The following TRPV4 variants were observed in gnomAD, a reference collection of about 807,000 sequenced individuals.
The protein encoded by TRPV4 is OSM9-like transient receptor potential channel 4.
TRPV4 carries 58 observed loss-of-function variants against 84.1 expected under a neutral mutation model. The ratio of observed to expected loss-of-function variants is 0.69; its 90% confidence interval spans 0.56 to 0.86. The LOEUF is 0.86. Ranked by LOEUF, TRPV4 falls within the 40% of genes least tolerant of loss-of-function variation. The pLI is 0.00. For missense variants in TRPV4, 879 were observed against 1,181.1 expected (o/e 0.74, Z 3.75); for synonymous variants, 489 against 500.9 (o/e 0.98, Z 0.32).
At chr12:109,800,347 T>G (rs1194663349) in intron 5 of TRPV4, among the ~76,000 whole-genome samples, 1 of 152,190 alleles carries the variant, frequency 6.6e-6, no homozygotes, top group Non-Finnish European at 1.5e-5. Flanking sequence ...CCCAAAGTGC[T>G]GGGATGACAG....
At position 109,798,488 on chromosome 12, in the gene TRPV4, C is replaced by T; in HGVS notation, c.1152+126G>A. 1 of 1,231,094 alleles carries T rather than the reference C, an allele frequency of 8.1e-7. No homozygotes were observed. Among genetic ancestry groups the T allele is most frequent in the Non-Finnish European group, 1.1e-6 (1 of 875,152 alleles). 76.3% of individuals were successfully genotyped at this position (1,231,094 alleles called of 1,614,324 possible). On this transcript the variant is annotated intron_variant, in intron 6 of 15. Transcript: ENST00000261740. This position sits in a 1 kb window ranked among gnomAD's most constrained non-coding sequence, Gnocchi z 5.0. The stretch of plus-strand genomic sequence containing the variant: ...AGGTTCTTGAGCTGGGACATCTGCA[C>T]ACTGGGGTTGGCATGTTGGGAGGTG...
chr12:109,796,521 C>G lies in TRPV4; in HGVS notation c.1332+4G>C, dbSNP rs1890409370. 6.2e-7 allele frequency: 1 copy of G among 1,613,954 alleles called. No homozygotes were observed. Among genetic ancestry groups the G allele is most frequent in the African/African-American group, 1.3e-5 (1 of 74,896 alleles). On this transcript the variant is annotated splice_donor_region_variant and intron_variant, in intron 7 of 15. Transcript: ENST00000261740. This position sits in a 1 kb window ranked among gnomAD's most constrained non-coding sequence, Gnocchi z 4.2. ...CACACCCCATGCCCCCTCCTGGAGCCCACCTCAATCTTGCTGTTGTACACC... is the reference window on the plus strand; with the variant it reads ...CACACCCCATGCCCCCTCCTGGAGCGCACCTCAATCTTGCTGTTGTACACC...
At position 109,800,641 on chromosome 12, in the gene TRPV4, T is replaced by C. The variant is rs879254007; in HGVS notation, c.830A>G (p.Asp277Gly). The C allele has an allele frequency of 6.2e-7, 1 of 1,614,110 alleles. No homozygotes were observed. Among genetic ancestry groups the C allele is most frequent in the Non-Finnish European group, 8.5e-7 (1 of 1,180,028 alleles). Reference protein sequence around the residue: ...QARGRFFQPKDEGGYFYFGEL... With the variant: ...QARGRFFQPKGEGGYFYFGEL... ...ACCAAAGTAGAAGTAGCCCCCCTCA[T>C]CCTTGGGCTGGAAGAAGCGCCCACG... Residue 277 changes from aspartate to glycine, a missense_variant, in exon 5 of 16, where the codon GAT (aspartate) becomes GGT (glycine). This residue lies in a region of TRPV4 where 521 missense variants were observed against 686.6 expected (regional missense o/e 0.76). Coordinates refer to ENST00000261740, the MANE Select transcript of TRPV4 (RefSeq NM_021625.5).
At chr12:109,797,757 C>T (rs765071056) in intron 6 of TRPV4, among the ~76,000 whole-genome samples, 2 of 151,974 alleles carry the variant, frequency 1.3e-5, no homozygotes, top group South Asian at 2.1e-4. Context: ...TGGACTTAAA[C>T]GATCCTCTCA....
At chr12:109,806,490 C>T (rs12307018) in intron 3 of TRPV4, among the ~76,000 whole-genome samples, 14,237 of 151,168 alleles carry the variant, frequency 0.094, 866 homozygotes, top group African/African-American at 0.17. Context: ...TAGGCATGAG[C>T]CACCGCACCC....
chr12:109,824,899 C>T (rs1430831708), intron 1 of TRPV4, among the ~76,000 whole-genome samples: 1 of 152,198 alleles, frequency 6.6e-6, no homozygotes, highest in East Asian at 1.9e-4. Context: ...CTGCCACTCA[C>T]TGGCTGTATG....
At chr12:109,794,531 TG>T in intron 7 of TRPV4, 44 bp from the exon 8 acceptor site, 6 of 1,609,954 alleles carry the variant, frequency 3.7e-6, no homozygotes, top group East Asian at 2.2e-5. Context: ...CTGAGATGGG[TG>T]GGGGGTCCAG....
At chr12:109,818,886 C>A (rs1404959151) in intron 1 of TRPV4, among the ~76,000 whole-genome samples, 1 of 152,186 alleles carries the variant, frequency 6.6e-6, no homozygotes, top group African/African-American at 2.4e-5. Context: ...CTCATTCAAT[C>A]CCCCGAAGAA....
At chr12:109,800,869 G>A (rs1426847944) in intron 4 of TRPV4, 111 bp from the exon 5 acceptor site, 3 of 989,386 alleles carry the variant, frequency 3.0e-6, no homozygotes, top group African/African-American at 1.6e-5. Context: ...GGGGGATGCA[G>A]GCAGAGTCCT....
At chr12:109,824,829 G>T (rs1167373702) in intron 1 of TRPV4, among the ~76,000 whole-genome samples, 1 of 152,142 alleles carries the variant, frequency 6.6e-6, no homozygotes, top group African/African-American at 2.4e-5. Context: ...CAGCCACGGA[G>T]AACTCCAGAG....
intron 1 of TRPV4, among the ~76,000 whole-genome samples, chr12:109,822,302 C>G (rs377233053): frequency 1.3e-5 from 2 of 152,116 alleles, no homozygotes; most frequent in East Asian, 3.9e-4. Context: ...TTCTACCTCC[C>G]TCCACCCTGG....
chr12:109,819,197 G>A (rs1209533920), intron 1 of TRPV4, among the ~76,000 whole-genome samples: 2 of 152,188 alleles, frequency 1.3e-5, no homozygotes, highest in Non-Finnish European at 2.9e-5. Context: ...TTGCCCTAAA[G>A]GCTGTTATTA....
chr12:109,784,792 G>C (rs1889575866), intron 14 of TRPV4, among the ~76,000 whole-genome samples: 1 of 134,180 alleles, frequency 7.5e-6, no homozygotes, highest in Non-Finnish European at 1.5e-5. Flanking sequence ...AGTGAGCCGA[G>C]ATCACGCCAC....
At chr12:109,802,365 G>A (rs369140683) in intron 4 of TRPV4, among the ~76,000 whole-genome samples, 9 of 150,014 alleles carry the variant, frequency 6.0e-5, no homozygotes, top group East Asian at 2.0e-4. Flanking sequence ...GCAATGGCGC[G>A]ATATTGGCTC....
intron 3 of TRPV4, among the ~76,000 whole-genome samples, chr12:109,804,093 A>G (rs1055975417): frequency 1.3e-5 from 2 of 152,168 alleles, no homozygotes; most frequent in Admixed American, 1.3e-4. Context: ...GGGTGCAACA[A>G]TAATAACCCT....
intron 7 of TRPV4, 40 bp from the exon 8 acceptor site, chr12:109,794,527 TG>T (rs747670782): frequency 5.0e-6 from 8 of 1,611,110 alleles, no homozygotes; most frequent in Non-Finnish European, 6.8e-6. Context: ...CTTCCTGAGA[TG>T]GGTGGGGGGT....
Position 109,827,552 on chromosome 12 carries a change from A to AACAC in TRPV4, c.-32+5794_-32+5797dup, listed in dbSNP as rs79477384. Among the ~76,000 whole-genome samples the AACAC allele has an allele frequency of 2.9e-3, 431 of 150,518 alleles. 5 individuals are homozygous for AACAC. Among genetic ancestry groups the AACAC allele is most frequent in the African/African-American group, 9.2e-3 (377 of 41,088 alleles). On this transcript the variant is annotated intron_variant, in intron 1 of 15. Coordinates refer to ENST00000261740, the MANE Select transcript of TRPV4 (RefSeq NM_021625.5). Reference sequence around the variant, plus strand: ...AAGCCCATGGAACCCACCCTCCATAAACACACACACACACACACACTACAC... The same window carrying AACAC: ...AAGCCCATGGAACCCACCCTCCATAAACACACACACACACACACACACACTACAC...
At chr12:109,794,878 C>T (rs1163881659) in intron 7 of TRPV4, among the ~76,000 whole-genome samples, 3 of 152,094 alleles carry the variant, frequency 2.0e-5, no homozygotes, top group East Asian at 3.9e-4. Flanking sequence ...ATTAGCCGGG[C>T]GTGGTGGTGC....
At position 109,798,667 on chromosome 12, in the gene TRPV4, T is replaced by C. The variant is rs1890574963; in HGVS notation, c.1099A>G (p.Asn367Asp). 6.2e-7 allele frequency: 1 copy of C among 1,613,562 alleles called. No homozygotes were observed. Among genetic ancestry groups the C allele is most frequent in the Non-Finnish European group, 8.5e-7 (1 of 1,180,018 alleles). ...ATGAGGGGCGAGAGGCCGTCGTTGT[T>C]GAGCACGGCCTCCAGGTTGCTGTCG... ...FPDSNLEAVL[N>D]NDGLSPLMMA... The change falls in exon 6 of 16, where the codon AAC becomes GAC. Residue 367 changes from asparagine to aspartate, a missense_variant. This residue lies in a region of TRPV4 where 521 missense variants were observed against 686.6 expected (regional missense o/e 0.76). Coordinates refer to ENST00000261740, the MANE Select transcript of TRPV4 (RefSeq NM_021625.5). This position sits in a 1 kb window ranked among gnomAD's most constrained non-coding sequence, Gnocchi z 5.0.
Sources: gnomAD v4.1 joint callset for allele counts (sites outside exome capture counted in the v4.1 genomes callset) on GRCh38, gnomAD v4.1.1 for gene constraint, gnomAD v4.1.1 regional missense constraint, Gnocchi (gnomAD v3.1) non-coding constraint, MANE v1.5 for transcripts, NCBI Gene and HGNC (gene_info 2026-07-23, HGNC 2026-07-21) for gene names.